SNX6: variants seen among roughly 807,000 people sequenced by gnomAD.
SNX6 encodes the protein sorting nexin 6, also known as sorting nexin-6.
A neutral mutation model predicts 63.0 loss-of-function variants in SNX6; 34 were observed. That is an observed-to-expected ratio of 0.54 (90% CI 0.41 to 0.72). The LOEUF (loss-of-function observed/expected upper bound fraction) is 0.72. SNX6 is among the 30% of genes least tolerant of loss of function. SNX6 has a pLI of 0.00. For missense variants in SNX6, 398 were observed against 471.4 expected (o/e 0.84, Z 1.44); for synonymous variants, 170 against 164.2 (o/e 1.04, Z -0.27).
At chr14:34,607,563 T>TCAGG (rs1450358074) in intron 4 of SNX6, among the ~76,000 whole-genome samples, 1 of 151,440 alleles carries the variant, frequency 6.6e-6, no homozygotes, top group African/African-American at 2.4e-5. Context: ...TGAACAAAGA[T>TCAGG]CAGGCCATTG....
intron 2 of SNX6, among the ~76,000 whole-genome samples, chr14:34,620,414 G>A (rs1042201283): frequency 1.2e-4 from 18 of 151,972 alleles, no homozygotes; most frequent in African/African-American, 4.4e-4. Flanking sequence ...CCAGGAGGTC[G>A]AGGCTGCAGT....
chr14:34,628,965 A>G (rs995009478), intron 2 of SNX6, among the ~76,000 whole-genome samples: 6 of 152,078 alleles, frequency 3.9e-5, no homozygotes, highest in Non-Finnish European at 7.4e-5. Flanking sequence ...GGGAGGAATC[A>G]GAGCCCGGAA....
At chr14:34,611,691 G>A (rs542591712) in intron 2 of SNX6, among the ~76,000 whole-genome samples, 9 of 146,070 alleles carry the variant, frequency 6.2e-5, no homozygotes, top group South Asian at 4.3e-4. Context: ...CGGAGGTTGC[G>A]CTGAGCAGAG....
chr14:34,580,479 C>G (rs1272579652), intron 10 of SNX6, among the ~76,000 whole-genome samples: 1 of 151,010 alleles, frequency 6.6e-6, no homozygotes, highest in Non-Finnish European at 1.5e-5. Context: ...TTTTTGGTAA[C>G]TTTTGTAGAG....
intron 4 of SNX6, among the ~76,000 whole-genome samples, chr14:34,607,646 G>A (rs1468049807): frequency 3.3e-5 from 5 of 151,962 alleles, no homozygotes; most frequent in South Asian, 4.2e-4. Flanking sequence ...GGTGGCTCAC[G>A]CCTGTAATCT....
chr14:34,569,693 T>C (rs544366954), intron 11 of SNX6, among the ~76,000 whole-genome samples: 96 of 152,306 alleles, frequency 6.3e-4, no homozygotes, highest in African/African-American at 2.0e-3. Flanking sequence ...ACTTAGCATG[T>C]TTCAAGTTCA....
intron 13 of SNX6, among the ~76,000 whole-genome samples, chr14:34,564,223 A>G (rs1353486608): frequency 1.3e-5 from 2 of 150,550 alleles, no homozygotes; most frequent in Non-Finnish European, 3.0e-5. Flanking sequence ...AGACGGGGTT[A>G]CACTATGTTG....
At chr14:34,583,864 T>TTTTTTA (rs1882044480) in intron 9 of SNX6, among the ~76,000 whole-genome samples, 1 of 151,482 alleles carries the variant, frequency 6.6e-6, no homozygotes. Flanking sequence ...TTTTTTTTTT[T>TTTTTTA]AAGACGGAGT....
At chr14:34,622,148 G>T (rs1883647722) in intron 2 of SNX6, among the ~76,000 whole-genome samples, 1 of 150,860 alleles carries the variant, frequency 6.6e-6, no homozygotes, top group Admixed American at 6.6e-5. Context: ...TTTTAGTACA[G>T]TTGGGGTTTC....
chr14:34,575,660 AT>A (rs1481738170), intron 11 of SNX6, 95 bp downstream of exon 11: 1 of 547,688 alleles, frequency 1.8e-6, no homozygotes, highest in Admixed American at 3.3e-5. Flanking sequence ...TTAAAATCAT[AT>A]AAAGGAGATA....
At chr14:34,615,381 C>T (rs1883379469) in intron 2 of SNX6, among the ~76,000 whole-genome samples, 1 of 152,132 alleles carries the variant, frequency 6.6e-6, no homozygotes, top group African/African-American at 2.4e-5. Flanking sequence ...ACCACCACAT[C>T]TGGCTAATTA....
intron 2 of SNX6, chr14:34,629,554 T>C (rs926300179): frequency 7.2e-6 from 4 of 558,312 alleles, no homozygotes; most frequent in East Asian, 4.2e-5. Flanking sequence ...GGTCCGAGAA[T>C]GGGTTTTCAT....
Position 34,575,833 on chromosome 14 carries a change from C to A in SNX6, c.844G>T (p.Ala282Ser), listed in dbSNP as rs945840887. 10 of 1,575,098 alleles carry A rather than the reference C, an allele frequency of 6.3e-6. No individual in the cohort carries two copies. Among genetic ancestry groups the A allele is most frequent in the Non-Finnish European group, 8.6e-6 (10 of 1,159,650 alleles). The change falls in exon 11 of 14, where the codon GCA (alanine) becomes TCA (serine). Residue 282 changes from alanine to serine, a missense_variant. By Grantham distance (99) the Ala-to-Ser change is moderately conservative (BLOSUM62 1). Coordinates refer to ENST00000362031, the MANE Select transcript of SNX6 (RefSeq NM_152233.4). Reference sequence around the variant, plus strand: ...AGGTCTTCATCAGCAGACACTCGTGCTTCTATTTTCTGAAAAGAAGGAAAA... The same window carrying A: ...AGGTCTTCATCAGCAGACACTCGTGATTCTATTTTCTGAAAAGAAGGAAAA... Reference protein sequence around the residue: ...ELFDKTRKIEARVSADEDLKL... With the variant: ...ELFDKTRKIESRVSADEDLKL...
chr14:34,582,276 C>T (rs1881972173), intron 9 of SNX6, among the ~76,000 whole-genome samples: 1 of 151,510 alleles, frequency 6.6e-6, no homozygotes, highest in Non-Finnish European at 1.5e-5. Context: ...GGATTACAGG[C>T]AGCTGCCCCC....
At chr14:34,564,828 C>CAA (rs754717917) in intron 13 of SNX6, among the ~76,000 whole-genome samples, 33 of 97,776 alleles carry the variant, frequency 3.4e-4, no homozygotes, top group Middle Eastern at 6.4e-3. Flanking sequence ...AACTAAGTAT[C>CAA]AAAAAAAAAA....
chr14:34,590,089 A>G (rs148360168), intron 8 of SNX6, among the ~76,000 whole-genome samples: 9 of 152,192 alleles, frequency 5.9e-5, no homozygotes, highest in Non-Finnish European at 1.3e-4. Context: ...TGGGTGACAG[A>G]GCGAGACCCT....
Position 34,575,741 on chromosome 14 carries a change from A to G in SNX6, c.921+15T>C. On this transcript the variant is annotated intron_variant, in intron 11 of 13. Transcript: ENST00000362031. ...TGTTTGTAAAATGGCTCATTTAAAA[A>G]AAGATTAAAATTACCTTAGCAGCTT... 1 of 1,490,944 alleles carries G rather than the reference A, an allele frequency of 6.7e-7. No individual in the cohort carries two copies. The highest frequency in any genetic ancestry group is 2.3e-5 in the East Asian group (1 of 43,148). The allele number at this position is 1,490,944 out of a possible 1,614,324, so 92.4% of individuals were successfully genotyped here.
Position 34,581,586 on chromosome 14 carries a change from A to T in SNX6, c.809T>A (p.Val270Asp). Residue 270 changes from valine to aspartate, a missense_variant, in exon 10 of 14, where the codon GTT becomes GAT. Coordinates refer to ENST00000362031, the MANE Select transcript of SNX6 (RefSeq NM_152233.4). ...STDICKFFLK[V>D]SELFDKTRKI... ...TCTTGTTTTATCGAACAGTTCTGAA[A>T]CTTTGAGAAAAAACCTGGAAAGGAA... 6.7e-7 allele frequency: 1 copy of T among 1,481,990 alleles called. No individual in the cohort carries two copies. Among genetic ancestry groups the T allele is most frequent in the Non-Finnish European group, 9.4e-7 (1 of 1,065,420 alleles). 91.8% of individuals were successfully genotyped at this position (1,481,990 alleles called of 1,614,324 possible).
intron 2 of SNX6, among the ~76,000 whole-genome samples, chr14:34,610,770 A>C (rs924173417): frequency 1.3e-5 from 2 of 152,076 alleles, no homozygotes; most frequent in African/African-American, 4.8e-5. Flanking sequence ...TAATTTTGAG[A>C]CTTAGGAAAG....
Sources: gnomAD v4.1 joint callset for allele counts (sites outside exome capture counted in the v4.1 genomes callset) on GRCh38, gnomAD v4.1.1 for gene constraint, MANE v1.5 for transcripts, NCBI Gene and HGNC (gene_info 2026-07-23, HGNC 2026-07-21) for gene names.